Variants in PRKN observed in about 807,000 individuals in gnomAD.
The protein encoded by PRKN is parkin RBR E3 ubiquitin protein ligase.
Under a neutral mutation model 59.5 loss-of-function variants are expected in PRKN, and 56 were observed. The observed-to-expected ratio is 0.94, with a 90% CI of 0.76 to 1.18. The LOEUF is 1.18. Ranked by LOEUF, PRKN falls within the 50% of genes most tolerant of loss-of-function variation. PRKN has a pLI of 0.00. For missense variants in PRKN, 657 were observed against 596.4 expected, an observed-to-expected ratio of 1.10 and a Z score of -1.06; for synonymous variants, 250 against 222.1, an observed-to-expected ratio of 1.13 and a Z score of -1.12.
chr6:161,398,792 C>T (rs1435794563), intron 9 of PRKN, among the ~76,000 whole-genome samples: 1 of 152,048 alleles, frequency 6.6e-6, no homozygotes, highest in Non-Finnish European at 1.5e-5. Context: ...ATGTGAGGTT[C>T]CATGGGAGCA....
At chr6:162,101,666 C>T (rs6902605) in intron 4 of PRKN, among the ~76,000 whole-genome samples, 4,352 of 151,316 alleles carry the variant, frequency 0.029, 227 homozygotes, top group African/African-American at 0.1. Flanking sequence ...AGCGAGACTC[C>T]GTCTCTAAAA....
At chr6:162,259,954 G>A (rs1779815647) in intron 3 of PRKN, among the ~76,000 whole-genome samples, 1 of 152,188 alleles carries the variant, frequency 6.6e-6, no homozygotes, top group Non-Finnish European at 1.5e-5. Context: ...GAGCAGGAGA[G>A]GATTACTTGT....
intron 9 of PRKN, among the ~76,000 whole-genome samples, chr6:161,528,555 A>C (rs1438758656): frequency 6.6e-6 from 1 of 152,202 alleles, no homozygotes; most frequent in Non-Finnish European, 1.5e-5. Context: ...ACTGTGTCCA[A>C]GTGGAAATGG....
At chr6:162,072,544 A>G (rs113275516) in intron 4 of PRKN, among the ~76,000 whole-genome samples, 29 of 152,160 alleles carry the variant, frequency 1.9e-4, no homozygotes, top group African/African-American at 5.8e-4. Flanking sequence ...TCCATAAATA[A>G]TCCATTTTTA....
chr6:162,087,194 C>A lies in PRKN; in HGVS notation c.535-33020G>T, dbSNP rs151302431. Among the ~76,000 whole-genome samples the A allele has an allele frequency of 5.0e-3, 759 of 152,246 alleles. 5 individuals are homozygous for A. Among genetic ancestry groups the A allele is most frequent in the African/African-American group, 0.017 (721 of 41,562 alleles). On this transcript the variant is annotated intron_variant, in intron 4 of 11. Transcript: ENST00000366898. ...TTTGTTTTAATGTAAGCACCACTTA[C>A]CTTTTTCACCTATGGGTAGACTCTC... is the stretch of plus-strand genomic sequence containing the variant.
chr6:162,515,674 T>C (rs1043018679), intron 1 of PRKN, among the ~76,000 whole-genome samples: 11 of 152,180 alleles, frequency 7.2e-5, no homozygotes, highest in Non-Finnish European at 1.5e-5. Context: ...TGGTTTTACT[T>C]ATTCAAATTT....
intron 6 of PRKN, among the ~76,000 whole-genome samples, chr6:161,802,611 T>C (rs954483735): frequency 6.6e-6 from 1 of 152,152 alleles, no homozygotes; most frequent in Non-Finnish European, 1.5e-5. Context: ...GCTCTTCCAA[T>C]GTCTCCTTTG....
chr6:162,180,672 C>T (rs1035274286), intron 4 of PRKN, among the ~76,000 whole-genome samples: 2 of 152,170 alleles, frequency 1.3e-5, no homozygotes, highest in African/African-American at 2.4e-5. Flanking sequence ...GATATGTTGT[C>T]GGTTCCTTTT....
intron 10 of PRKN, among the ~76,000 whole-genome samples, chr6:161,364,764 C>G (rs1437917655): frequency 6.6e-6 from 1 of 151,814 alleles, no homozygotes; most frequent in Non-Finnish European, 1.5e-5. Flanking sequence ...CTGGCCAACA[C>G]AGCGAAACCG....
At chr6:162,095,068 C>A (rs1330597074) in intron 4 of PRKN, among the ~76,000 whole-genome samples, 2 of 152,074 alleles carry the variant, frequency 1.3e-5, no homozygotes, top group African/African-American at 4.8e-5. Flanking sequence ...ACAAAGAAGG[C>A]TGAAGATGGC....
intron 2 of PRKN, among the ~76,000 whole-genome samples, chr6:162,293,182 A>G (rs539321320): frequency 1.3e-5 from 2 of 152,310 alleles, no homozygotes; most frequent in South Asian, 4.1e-4. Flanking sequence ...GTAGAGGCCA[A>G]TAAGACAGAA....
Position 162,648,112 on chromosome 6 carries a change from G to A in PRKN, c.7+79550C>T, listed in dbSNP as rs563273757. ...TATCTGAGGAAAGGTGTAAAAAGAC[G>A]AGCGATGTAAAATGGCAGTATTATA... On this transcript the variant is annotated intron_variant, in intron 1 of 11. Transcript: ENST00000366898. Among the ~76,000 whole-genome samples the A allele has an allele frequency of 7.9e-5, 12 of 152,068 alleles. No individual in the cohort carries two copies. The South Asian group carries it at 1.9e-3, about 24-fold the overall frequency.
intron 6 of PRKN, among the ~76,000 whole-genome samples, chr6:161,847,980 T>G (rs1043697386): frequency 1.3e-5 from 2 of 152,180 alleles, no homozygotes; most frequent in African/African-American, 4.8e-5. Context: ...GAGCTCTCAG[T>G]GACCTCGCTG....
rs1229708404 is a variant in PRKN at position 161,484,569 on chromosome 6, G to A, written c.1083+64285C>T. Among the ~76,000 whole-genome samples the A allele has an allele frequency of 6.6e-6, 1 of 152,118 alleles. No homozygotes were observed. The highest frequency in any genetic ancestry group is 1.5e-5 in the Non-Finnish European group (1 of 68,026). On this transcript the variant is annotated intron_variant, in intron 9 of 11. Coordinates refer to ENST00000366898, the MANE Select transcript of PRKN (RefSeq NM_004562.3). The surrounding 1 kb of genome is among the most constrained non-coding windows in gnomAD (Gnocchi z 4.9). Reference sequence around the variant, plus strand: ...GTTGACACTTGGGAAGCTTAGGAAGGTTTCCCAAAGCAAGCTGTGGGTACG... The same window carrying A: ...GTTGACACTTGGGAAGCTTAGGAAGATTTCCCAAAGCAAGCTGTGGGTACG...
At chr6:162,197,969 C>A (rs1016797018) in intron 4 of PRKN, among the ~76,000 whole-genome samples, 2 of 152,104 alleles carry the variant, frequency 1.3e-5, no homozygotes, top group African/African-American at 2.4e-5. Context: ...ACAAGGCTTA[C>A]AGGCTCTTCG....
chr6:161,670,179 T>C (rs1429443052), intron 7 of PRKN, among the ~76,000 whole-genome samples: 1 of 152,184 alleles, frequency 6.6e-6, no homozygotes, highest in Non-Finnish European at 1.5e-5. Flanking sequence ...CTCCGGGTAC[T>C]ATCCTCTGTG....
In PRKN at chr6:161,401,746, T is replaced by A. The variant is rs1782733489; in HGVS notation, c.1084-14869A>T. ...CACTTTCTAGGCTTGTGTCTCTCCA[T>A]GAGATTCTCAGACAGCTGCATTTGG... On this transcript the variant is annotated intron_variant, in intron 9 of 11. Coordinates refer to ENST00000366898, the MANE Select transcript of PRKN (RefSeq NM_004562.3). The surrounding 1 kb of genome is among the most constrained non-coding windows in gnomAD (Gnocchi z 4.4). Among the ~76,000 whole-genome samples, 1 of 152,192 alleles carries A rather than the reference T, an allele frequency of 6.6e-6. No homozygotes were observed. Among genetic ancestry groups the A allele is most frequent in the Non-Finnish European group, 1.5e-5 (1 of 68,032 alleles).
At chr6:162,295,951 C>T (rs1010231020) in intron 2 of PRKN, among the ~76,000 whole-genome samples, 6 of 152,034 alleles carry the variant, frequency 3.9e-5, no homozygotes, top group Admixed American at 1.3e-4. Flanking sequence ...CAGAAATTTT[C>T]GGATGTTCCC....
chr6:162,223,778 G>A lies in PRKN; in HGVS notation c.413-22526C>T, dbSNP rs557102038. On this transcript the variant is annotated intron_variant, in intron 3 of 11. Coordinates refer to ENST00000366898, the MANE Select transcript of PRKN (RefSeq NM_004562.3). ...TTCCCCCTGAAATGTCATTCCCACA[G>A]CTCTACCTGTAAAATTTGTTGACTT... 7.3e-4 allele frequency among the ~76,000 whole-genome samples: 111 copies of A among 152,036 alleles called. 2 individuals carry two copies. Among genetic ancestry groups the A allele is most frequent in the Non-Finnish European group, 3.2e-4 (22 of 67,990 alleles).
Sources: gnomAD v4.1 joint callset for allele counts (sites outside exome capture counted in the v4.1 genomes callset) on GRCh38, gnomAD v4.1.1 for gene constraint, Gnocchi (gnomAD v3.1) non-coding constraint, MANE v1.5 for transcripts, NCBI Gene and HGNC (gene_info 2026-07-23, HGNC 2026-07-21) for gene names.